Variants in CHCHD3 observed in about 807,000 individuals in gnomAD.
CHCHD3 encodes MICOS complex subunit MIC19.
A neutral mutation model predicts 38.2 loss-of-function variants in CHCHD3; 20 were observed. The ratio of observed to expected loss-of-function variants is 0.52; its 90% CI spans 0.37 to 0.76. CHCHD3 has a LOEUF of 0.76. CHCHD3 is among the 30% of genes least tolerant of loss of function. The pLI is 0.00. For missense variants in CHCHD3, 245 were observed against 279.2 expected (o/e 0.88, Z 0.87); for synonymous variants, 82 against 100.0 (o/e 0.82, Z 1.07).
In CHCHD3 at chr7:132,952,303, G is replaced by A. The variant is rs942627177; in HGVS notation, c.369+22866C>T. On this transcript the variant is annotated intron_variant, in intron 4 of 7. Coordinates refer to ENST00000262570, the MANE Select transcript of CHCHD3 (RefSeq NM_017812.4). Reference sequence around the variant, plus strand: ...CACCCTGTAAGTCTGAATCCACTGGGGCATTTATACTCTCTAATTGTTTGG... The same window carrying A: ...CACCCTGTAAGTCTGAATCCACTGGAGCATTTATACTCTCTAATTGTTTGG... Among the ~76,000 whole-genome samples the A allele has an allele frequency of 1.1e-4, 16 of 152,270 alleles. No individual in the cohort carries two copies. The East Asian group carries it at 1.2e-3, about 11-fold the overall frequency.
intron 4 of CHCHD3, among the ~76,000 whole-genome samples, chr7:132,909,453 T>C (rs1809886206): frequency 6.6e-6 from 1 of 152,140 alleles, no homozygotes; most frequent in African/African-American, 2.4e-5. Context: ...ATCGTGCCAC[T>C]GCACTCCCAT....
chr7:132,834,750 T>A (rs141943754), intron 6 of CHCHD3, among the ~76,000 whole-genome samples: 1 of 152,192 alleles, frequency 6.6e-6, no homozygotes, highest in Non-Finnish European at 1.5e-5. Flanking sequence ...GCCCTCCTGG[T>A]ATCAATGTGT....
At chr7:132,938,609 A>T (rs1453090128) in intron 4 of CHCHD3, among the ~76,000 whole-genome samples, 1 of 112,296 alleles carries the variant, frequency 8.9e-6, no homozygotes, top group East Asian at 2.5e-4. Flanking sequence ...TCCTTATAAT[A>T]TTGTCTAAGG....
In CHCHD3 at chr7:132,838,466, A is replaced by T; in HGVS notation, c.457T>A (p.Ser153Thr). Residue 153 changes from serine (S) to threonine (T), a missense_variant, in exon 6 of 8, where the codon TCA becomes ACA. Coordinates refer to ENST00000262570, the MANE Select transcript of CHCHD3 (RefSeq NM_017812.4). ...EQLARLEERS[S>T]EFYRVTTEQY... ...TCAGTGGTGACTCTGTAGAACTCTG[A>T]GCTCTGTGGACAAAGATTGATAGCA... 1.2e-6 allele frequency: 2 copies of T among 1,609,084 alleles called. No individual in the cohort carries two copies. Among genetic ancestry groups the T allele is most frequent in the Non-Finnish European group, 1.7e-6 (2 of 1,176,546 alleles).
At chr7:132,980,789 C>T (rs1811897458) in intron 3 of CHCHD3, among the ~76,000 whole-genome samples, 1 of 152,162 alleles carries the variant, frequency 6.6e-6, no homozygotes, top group Non-Finnish European at 1.5e-5. Context: ...AAACATTCAA[C>T]TTTCATGGAC....
At chr7:132,931,230 A>G (rs1157963294) in intron 4 of CHCHD3, among the ~76,000 whole-genome samples, 2 of 152,194 alleles carry the variant, frequency 1.3e-5, no homozygotes, top group East Asian at 1.9e-4. Context: ...ATGTTAAATA[A>G]TAATTATTAA....
Position 132,880,494 on chromosome 7 carries a change from GA to G in CHCHD3, c.453+5167del, listed in dbSNP as rs537541296. 2.6e-3 allele frequency among the ~76,000 whole-genome samples: 396 copies of G among 152,286 alleles called. 4 individuals are homozygous for G. Among genetic ancestry groups the G allele is most frequent in the African/African-American group, 9.1e-3 (377 of 41,570 alleles). On this transcript the variant is annotated intron_variant, in intron 5 of 7. Coordinates refer to ENST00000262570, the MANE Select transcript of CHCHD3 (RefSeq NM_017812.4). ...ATGAATTTAAATGGCTAGTGAAGAAGATACTAAACATTTGTGTGTATTTTAA... is the reference window on the plus strand; with the variant it reads ...ATGAATTTAAATGGCTAGTGAAGAAGTACTAAACATTTGTGTGTATTTTAA...
intron 2 of CHCHD3, among the ~76,000 whole-genome samples, chr7:133,024,851 T>G (rs1396305620): frequency 1.3e-5 from 2 of 152,210 alleles, no homozygotes; most frequent in Non-Finnish European, 2.9e-5. Context: ...TTTCCACTCC[T>G]GCCAAAATTT....
rs149272501 is a variant in CHCHD3 at position 132,794,092 on chromosome 7, C to T, written c.660+2350G>A. Among the ~76,000 whole-genome samples the T allele has an allele frequency of 1.2e-3, 182 of 152,326 alleles. 2 individuals carry two copies. In the East Asian group the frequency reaches 0.024, roughly 20 times the overall value. On this transcript the variant is annotated intron_variant, in intron 7 of 7. Transcript: ENST00000262570. ...CAGTGCCAAGTTGCCCCTTTCATCA[C>T]GGGCTTCATCAACCCACTCCCCATG... is the stretch of plus-strand genomic sequence containing the variant.
intron 6 of CHCHD3, among the ~76,000 whole-genome samples, chr7:132,807,608 T>TAA (rs1806957497): frequency 4.2e-5 from 1 of 23,536 alleles, no homozygotes; most frequent in Non-Finnish European, 6.5e-5. Context: ...TACACATAAA[T>TAA]ATATATATAT....
intron 4 of CHCHD3, among the ~76,000 whole-genome samples, chr7:132,971,257 T>G (rs1811605871): frequency 6.6e-6 from 1 of 152,226 alleles, no homozygotes; most frequent in Admixed American, 6.5e-5. Flanking sequence ...ATTTTGAACG[T>G]GAGTTGCTTT....
rs548986780 is a variant in CHCHD3 at position 132,999,931 on chromosome 7, C to T, written c.251+24615G>A. On this transcript the variant is annotated intron_variant, in intron 3 of 7. Coordinates refer to ENST00000262570, the MANE Select transcript of CHCHD3 (RefSeq NM_017812.4). The stretch of plus-strand genomic sequence containing the variant: ...TATGTGCTTACAACATTATACAAAG[C>T]ATTATGTTTAAAAAATCAGATGGAT... Among the ~76,000 whole-genome samples the T allele has an allele frequency of 2.0e-5, 3 of 152,224 alleles. No individual in the cohort carries two copies. In the South Asian group the frequency reaches 6.2e-4, roughly 32 times the overall value.
intron 2 of CHCHD3, among the ~76,000 whole-genome samples, chr7:133,050,796 C>T (rs115833785): frequency 0.014 from 2,151 of 152,152 alleles, 47 homozygotes; most frequent in African/African-American, 0.049. Context: ...AGATAGACCA[C>T]TTGAGGTCAG....
At chr7:132,867,265 A>G (rs1808657068) in intron 5 of CHCHD3, among the ~76,000 whole-genome samples, 1 of 152,192 alleles carries the variant, frequency 6.6e-6, no homozygotes, top group Admixed American at 6.5e-5. Flanking sequence ...AATAACACTA[A>G]AAAATAAAAA....
At chr7:132,974,329 A>T (rs1562926365) in intron 4 of CHCHD3, among the ~76,000 whole-genome samples, 1 of 152,196 alleles carries the variant, frequency 6.6e-6, no homozygotes, top group Non-Finnish European at 1.5e-5. Flanking sequence ...CAACAAAAAC[A>T]TGTCTATGTA....
chr7:132,875,323 T>TA (rs1284344162), intron 5 of CHCHD3, among the ~76,000 whole-genome samples: 2 of 152,158 alleles, frequency 1.3e-5, no homozygotes, highest in African/African-American at 2.4e-5. Flanking sequence ...ACATTAATTT[T>TA]AAAAAAATTT....
At chr7:132,956,996 G>A (rs1026101062) in intron 4 of CHCHD3, among the ~76,000 whole-genome samples, 52 of 152,300 alleles carry the variant, frequency 3.4e-4, no homozygotes, top group African/African-American at 1.3e-3. Context: ...GAGGGAGAGA[G>A]CTTCCCCACC....
At chr7:132,960,891 C>T (rs1228251383) in intron 4 of CHCHD3, among the ~76,000 whole-genome samples, 1 of 152,084 alleles carries the variant, frequency 6.6e-6, no homozygotes, top group Non-Finnish European at 1.5e-5. Flanking sequence ...ACAAGAATTG[C>T]TTGAACACCA....
intron 6 of CHCHD3, among the ~76,000 whole-genome samples, chr7:132,822,426 TAATTTAAAAAAAA>T (rs1807402048): frequency 6.6e-6 from 1 of 152,100 alleles, no homozygotes. Context: ...TCCTTTTTTT[TAATTTAAAAAAAA>T]AAGTCTTGGG....
Sources: gnomAD v4.1 joint callset for allele counts (sites outside exome capture counted in the v4.1 genomes callset) on GRCh38, gnomAD v4.1.1 for gene constraint, MANE v1.5 for transcripts, NCBI Gene and HGNC (gene_info 2026-07-23, HGNC 2026-07-21) for gene names.